The following PTPRT variants were observed in gnomAD, a reference collection of about 807,000 sequenced individuals.
PTPRT encodes the protein receptor-type tyrosine-protein phosphatase T.
A neutral mutation model predicts 176.8 loss-of-function variants in PTPRT; 56 were observed. The observed-to-expected ratio is 0.32, with a 90% confidence interval of 0.26 to 0.40. PTPRT has a LOEUF of 0.40. PTPRT is among the 10% of genes least tolerant of loss of function. PTPRT has a pLI of 1.00. For synonymous variants in PTPRT, 783 were observed against 739.0 expected, an observed-to-expected ratio of 1.06 and a Z score of -0.96; for missense variants, 1,540 against 1,908.2, an observed-to-expected ratio of 0.81 and a Z score of 3.60.
At chr20:42,356,185 T>C (rs2058355877) in intron 9 of PTPRT, among the ~76,000 whole-genome samples, 1 of 151,944 alleles carries the variant, frequency 6.6e-6, no homozygotes, top group African/African-American at 2.4e-5. Flanking sequence ...ACGTATAATA[T>C]AATATGAACC....
At chr20:42,992,630 A>G (rs1356394451) in intron 1 of PTPRT, among the ~76,000 whole-genome samples, 1 of 152,248 alleles carries the variant, frequency 6.6e-6, no homozygotes, top group Non-Finnish European at 1.5e-5. Context: ...TTGGAAGATT[A>G]GACTTGACTA....
intron 1 of PTPRT, among the ~76,000 whole-genome samples, chr20:43,108,490 T>G (rs1300552928): frequency 6.6e-6 from 1 of 152,010 alleles, no homozygotes; most frequent in Non-Finnish European, 1.5e-5. Flanking sequence ...GAGATAATAA[T>G]ACATTGTTAA....
intron 12 of PTPRT, among the ~76,000 whole-genome samples, chr20:42,294,505 G>A (rs1000253891): frequency 4.6e-5 from 7 of 151,780 alleles, no homozygotes; most frequent in Middle Eastern, 3.4e-3. Flanking sequence ...CAAAATCATC[G>A]ACTGAAAAAA....
intron 7 of PTPRT, among the ~76,000 whole-genome samples, chr20:42,590,927 CGTGTGTGTGT>C (rs11468131): frequency 0.045 from 5,901 of 131,044 alleles, 160 homozygotes; most frequent in Middle Eastern, 0.11. Flanking sequence ...AGAGATTTAG[CGTGTGTGTGT>C]GTGTGTGTGT....
intron 7 of PTPRT, among the ~76,000 whole-genome samples, chr20:42,491,880 T>C (rs1227826675): frequency 1.3e-5 from 2 of 152,196 alleles, no homozygotes; most frequent in African/African-American, 2.4e-5. Context: ...CACTAATCTG[T>C]TCTCCATCTA....
intron 15 of PTPRT, among the ~76,000 whole-genome samples, chr20:42,230,685 A>C (rs1372254841): frequency 6.6e-6 from 1 of 152,194 alleles, no homozygotes; most frequent in Non-Finnish European, 1.5e-5. Flanking sequence ...ATGATTTTCC[A>C]GATGAAGAAA....
intron 15 of PTPRT, among the ~76,000 whole-genome samples, chr20:42,221,500 G>A (rs1234358967): frequency 6.6e-6 from 1 of 151,700 alleles, no homozygotes; most frequent in African/African-American, 2.4e-5. Flanking sequence ...CATGGTGGCA[G>A]GAGAGAGACA....
At chr20:42,334,052 G>A (rs2058006195) in intron 11 of PTPRT, among the ~76,000 whole-genome samples, 1 of 152,118 alleles carries the variant, frequency 6.6e-6, no homozygotes, top group East Asian at 1.9e-4. Flanking sequence ...GTTCTTTGAT[G>A]CCTTCATTAA....
At chr20:43,078,020 T>A (rs527364005) in intron 1 of PTPRT, among the ~76,000 whole-genome samples, 1 of 152,338 alleles carries the variant, frequency 6.6e-6, no homozygotes, top group East Asian at 1.9e-4. Flanking sequence ...CCCAGCATGT[T>A]CTTCATCACA....
chr20:42,138,878 C>G (rs1416400127), intron 18 of PTPRT, among the ~76,000 whole-genome samples: 2 of 152,176 alleles, frequency 1.3e-5, no homozygotes, highest in African/African-American at 4.8e-5. Flanking sequence ...TCCTACTTGT[C>G]CCCTTTAATC....
intron 9 of PTPRT, among the ~76,000 whole-genome samples, chr20:42,386,878 A>C (rs1212616478): frequency 6.6e-6 from 1 of 152,300 alleles, no homozygotes; most frequent in Non-Finnish European, 1.5e-5. Flanking sequence ...AAACAAAAAA[A>C]AAGAATTATT....
chr20:43,101,963 G>A (rs2012406381), intron 1 of PTPRT, among the ~76,000 whole-genome samples: 1 of 152,196 alleles, frequency 6.6e-6, no homozygotes, highest in African/African-American at 2.4e-5. Context: ...GGAAGTCCAA[G>A]ATCAAGGTTC....
At chr20:43,097,868 C>G (rs988594163) in intron 1 of PTPRT, among the ~76,000 whole-genome samples, 1 of 152,176 alleles carries the variant, frequency 6.6e-6, no homozygotes, top group African/African-American at 2.4e-5. Context: ...TTCTGTGTGG[C>G]TCTGACAACC....
intron 9 of PTPRT, among the ~76,000 whole-genome samples, chr20:42,421,772 T>C (rs1296761731): frequency 6.6e-6 from 1 of 152,108 alleles, no homozygotes; most frequent in Non-Finnish European, 1.5e-5. Context: ...AGAACAAAGC[T>C]GGAGGCATTG....
intron 11 of PTPRT, among the ~76,000 whole-genome samples, chr20:42,325,555 G>A (rs888744102): frequency 2.0e-5 from 3 of 151,930 alleles, no homozygotes; most frequent in Non-Finnish European, 2.9e-5. Context: ...ACTGTATATT[G>A]AGAATCTGAC....
chr20:42,371,109 C>A (rs527785613), intron 9 of PTPRT, among the ~76,000 whole-genome samples: 1 of 152,200 alleles, frequency 6.6e-6, no homozygotes, highest in Non-Finnish European at 1.5e-5. Flanking sequence ...CTTGCAGGAG[C>A]ATTGTTCACA....
intron 1 of PTPRT, among the ~76,000 whole-genome samples, chr20:43,081,617 A>G (rs1242339644): frequency 1.3e-5 from 2 of 151,828 alleles, no homozygotes; most frequent in Non-Finnish European, 2.9e-5. Flanking sequence ...ATTGATTTTT[A>G]CTCTACCTTA....
At chr20:43,030,630 G>C (rs1600660879) in intron 1 of PTPRT, among the ~76,000 whole-genome samples, 2 of 152,340 alleles carry the variant, frequency 1.3e-5, no homozygotes, top group Admixed American at 1.3e-4. Context: ...ACTGGAATCA[G>C]GTTGAGAATA....
intron 18 of PTPRT, among the ~76,000 whole-genome samples, chr20:42,140,478 C>G (rs1048982656): frequency 6.6e-6 from 1 of 152,176 alleles, no homozygotes; most frequent in Non-Finnish European, 1.5e-5. Context: ...TGTGTGTTAC[C>G]TATGCATGAC....
Sources: allele counts gnomAD v4.1 joint callset (sites outside exome capture counted in the v4.1 genomes callset), GRCh38; gene constraint gnomAD v4.1.1; transcripts MANE v1.5; gene names NCBI Gene and HGNC (gene_info 2026-07-23, HGNC 2026-07-21).